The following CCNY variants were observed in gnomAD, a reference collection of about 807,000 sequenced individuals.
CCNY encodes the protein cyclin Y, also known as cyclin-Y.
A neutral mutation model predicts 42.8 loss-of-function variants in CCNY; 19 were observed. The observed-to-expected ratio is 0.44, with a 90% CI of 0.31 to 0.65. The LOEUF is 0.65. Among genes scored for constraint, CCNY ranks in the 30% least tolerant of loss-of-function variants. The pLI is 0.07. For synonymous variants in CCNY, 165 were observed against 162.7 expected, an observed-to-expected ratio of 1.01 and a Z score of -0.11; for missense variants, 370 against 437.3, an observed-to-expected ratio of 0.85 and a Z score of 1.37.
At chr10:35,313,975 CG>C (rs1363623690) in intron 3 of CCNY, among the ~76,000 whole-genome samples, 1 of 92,014 alleles carries the variant, frequency 1.1e-5, no homozygotes, top group Non-Finnish European at 2.0e-5. Flanking sequence ...GAGTTCATCT[CG>C]GAAAAAAAAA....
At chr10:35,538,036 T>C (rs1435192106) in intron 7 of CCNY, among the ~76,000 whole-genome samples, 1 of 152,164 alleles carries the variant, frequency 6.6e-6, no homozygotes, top group Non-Finnish European at 1.5e-5. Context: ...TCCCCCATAC[T>C]GTTCTCATGG....
intron 7 of CCNY, among the ~76,000 whole-genome samples, chr10:35,543,187 C>T (rs1164684933): frequency 6.6e-6 from 1 of 152,134 alleles, no homozygotes; most frequent in Non-Finnish European, 1.5e-5. Context: ...TTGGGAGTCC[C>T]CAAGACCACC....
In CCNY at chr10:35,445,214, G is replaced by A. The variant is rs1245740493; in HGVS notation, c.155-38190G>A. 3.3e-5 allele frequency among the ~76,000 whole-genome samples: 5 copies of A among 152,108 alleles called. 1 individual carries two copies. The highest frequency in any genetic ancestry group is 7.4e-5 in the Non-Finnish European group (5 of 68,006). The stretch of plus-strand genomic sequence containing the variant: ...TAGTTGGAATTAAAGGAGGAGATGA[G>A]TTTACCCATGAAGGAGAGCCTTTAG... On this transcript the variant is annotated intron_variant, in intron 1 of 9. Coordinates refer to ENST00000374704, the MANE Select transcript of CCNY (RefSeq NM_145012.6).
At chr10:35,435,946 G>A (rs1458422782) in intron 1 of CCNY, among the ~76,000 whole-genome samples, 1 of 152,198 alleles carries the variant, frequency 6.6e-6, no homozygotes, top group Non-Finnish European at 1.5e-5. Flanking sequence ...GAAGGAGGAA[G>A]TTAATTCTGG....
At chr10:35,372,306 T>C (rs1311442603) in intron 1 of CCNY, among the ~76,000 whole-genome samples, 1 of 152,210 alleles carries the variant, frequency 6.6e-6, no homozygotes, top group Non-Finnish European at 1.5e-5. Context: ...GAGAGGAATT[T>C]AATGCGTTAG....
intron 3 of CCNY, among the ~76,000 whole-genome samples, chr10:35,284,624 T>C (rs1347265115): frequency 6.6e-6 from 1 of 152,152 alleles, no homozygotes; most frequent in Non-Finnish European, 1.5e-5. Flanking sequence ...TGATTTCTTC[T>C]CTGATCCTTG....
At chr10:35,272,384 C>A (rs1349464804) in intron 3 of CCNY, among the ~76,000 whole-genome samples, 1 of 151,368 alleles carries the variant, frequency 6.6e-6, no homozygotes, top group African/African-American at 2.4e-5. Context: ...CAGATTATTT[C>A]ATCACCCAGA....
rs966293234 is a variant in CCNY, at chr10:35,319,904, C to T, written c.-9+69278C>T. Among the ~76,000 whole-genome samples the T allele has an allele frequency of 3.3e-5, 5 of 151,890 alleles. No homozygotes were observed. The South Asian group carries it at 8.3e-4, about 25-fold the overall frequency. On this transcript the variant is annotated intron_variant, in intron 3 of 11. Transcript: ENST00000374706. ...GGCAAAGGCTGCAGTAAGCTGAGAT[C>T]GCGCCATTGCACTCCAGCCCGGGAG... is the stretch of plus-strand genomic sequence containing the variant.
chr10:35,483,368 G>C (rs200768721), intron 1 of CCNY, 36 bp from the exon 2 acceptor site: 1 of 1,338,746 alleles, frequency 7.5e-7, no homozygotes, highest in East Asian at 2.3e-5. Flanking sequence ...GTTATCAGAT[G>C]GTTTATTCAT....
At chr10:35,323,032 T>C (rs1301239892) in intron 3 of CCNY, among the ~76,000 whole-genome samples, 1 of 152,176 alleles carries the variant, frequency 6.6e-6, no homozygotes, top group African/African-American at 2.4e-5. Flanking sequence ...GTTCAAGCGA[T>C]TCTCCTGCCT....
chr10:35,292,939 C>T (rs944666772), intron 3 of CCNY, among the ~76,000 whole-genome samples: 10 of 151,880 alleles, frequency 6.6e-5, no homozygotes, highest in African/African-American at 2.4e-4. Flanking sequence ...GTTACCACGC[C>T]TAGCTAATTT....
chr10:35,549,758 G>A (rs78874256), intron 7 of CCNY, among the ~76,000 whole-genome samples: 10 of 114,854 alleles, frequency 8.7e-5, no homozygotes, highest in South Asian at 3.3e-4. Flanking sequence ...TACAGTGCTC[G>A]TGACCCTGCG....
intron 1 of CCNY, among the ~76,000 whole-genome samples, chr10:35,440,390 GTC>G (rs1469215191): frequency 6.6e-6 from 1 of 152,164 alleles, no homozygotes; most frequent in Non-Finnish European, 1.5e-5. Flanking sequence ...GGGCCAAGTG[GTC>G]TCTGAACTGC....
chr10:35,325,877 G>A (rs1314106461), intron 3 of CCNY, among the ~76,000 whole-genome samples: 1 of 151,938 alleles, frequency 6.6e-6, no homozygotes, highest in East Asian at 1.9e-4. Context: ...TCAGAAGTTC[G>A]AGACCAGCCT....
chr10:35,474,091 G>T lies in CCNY; in HGVS notation c.155-9313G>T, dbSNP rs1185461127. ...CCCGAATACTGCGCTTTTCCAACGG[G>T]CTTAAAAAACGGCGCACCACGAGAT... On this transcript the variant is annotated intron_variant, in intron 1 of 9. Coordinates refer to ENST00000374704, the MANE Select transcript of CCNY (RefSeq NM_145012.6). 2.0e-5 allele frequency among the ~76,000 whole-genome samples: 3 copies of T among 152,302 alleles called. No individual in the cohort carries two copies. The East Asian group carries it at 5.8e-4, about 29-fold the overall frequency.
In CCNY at chr10:35,496,131, T is replaced by C. The variant is rs115100275; in HGVS notation, c.230-5370T>C. Among the ~76,000 whole-genome samples the C allele has an allele frequency of 7.0e-3, 1,072 of 152,352 alleles. 11 individuals carry two copies. Among genetic ancestry groups the C allele is most frequent in the African/African-American group, 0.025 (1,023 of 41,582 alleles). On this transcript the variant is annotated intron_variant, in intron 2 of 9. Transcript: ENST00000374704. ...TCAGCTTCGTATATCCAAACAAAAT[T>C]CTGTCATTCTTTAGTTGAAGCCTGC...
chr10:35,254,175 C>A (rs1238967436), intron 3 of CCNY, among the ~76,000 whole-genome samples: 1 of 152,150 alleles, frequency 6.6e-6, no homozygotes, highest in African/African-American at 2.4e-5. Context: ...CCGCGCCCGG[C>A]CTTGAGTGAC....
chr10:35,353,141 G>A (rs1300424898), intron 1 of CCNY, among the ~76,000 whole-genome samples: 3 of 152,238 alleles, frequency 2.0e-5, no homozygotes, highest in Non-Finnish European at 4.4e-5. Context: ...TGCTTAGGCT[G>A]GTCTGGAACT....
chr10:35,442,457 A>G (rs1838692115), intron 1 of CCNY, among the ~76,000 whole-genome samples: 1 of 152,226 alleles, frequency 6.6e-6, no homozygotes, highest in Non-Finnish European at 1.5e-5. Context: ...CCGGAGACTC[A>G]TACAAATTGC....
Sources: gnomAD v4.1 joint callset for allele counts (sites outside exome capture counted in the v4.1 genomes callset) on GRCh38, gnomAD v4.1.1 for gene constraint, MANE v1.5 for transcripts, NCBI Gene and HGNC (gene_info 2026-07-23, HGNC 2026-07-21) for gene names.